Variants in CHD1L observed in about 807,000 individuals in gnomAD.
The protein encoded by CHD1L is ATP-dependent chromatin remodeler CHD1L.
In CHD1L, 118 loss-of-function variants were observed where a neutral mutation model predicts 115.9. That is an observed-to-expected ratio of 1.02 (90% CI 0.88 to 1.19). The LOEUF (loss-of-function observed/expected upper bound fraction) is 1.19, where lower values mean the gene tolerates loss of function less well. Ranked by LOEUF, CHD1L falls within the 50% of genes most tolerant of loss-of-function variation. CHD1L has a pLI of 0.00. For missense variants in CHD1L, 1,179 were observed against 1,065.3 expected, an observed-to-expected ratio of 1.11 and a Z score of -1.49; for synonymous variants, 411 against 387.1, an observed-to-expected ratio of 1.06 and a Z score of -0.72.
At position 147,276,111 on chromosome 1, in the gene CHD1L, A is replaced by C; in HGVS notation, c.1393A>C (p.Lys465Gln). Residue 465 changes from lysine to glutamine, a missense_variant, in exon 14 of 23, where the codon AAA becomes CAA. Physicochemically the swap from Lys to Gln is moderately conservative, Grantham distance 53. Transcript: ENST00000369258. Reference sequence around the variant, plus strand: ...TGTTTGACTTATGTCCAGGTCTGTTAAAGTTATTCGGCTGATTGGTCGAGA... The same window carrying C: ...TGTTTGACTTATGTCCAGGTCTGTTCAAGTTATTCGGCTGATTGGTCGAGA... ...AHRIGQNKSV[K>Q]VIRLIGRDTV... 6.2e-7 allele frequency: 1 copy of C among 1,614,132 alleles called. No individual in the cohort carries two copies.
At chr1:147,226,139 C>T in the CHD1L span, among the ~76,000 whole-genome samples, 1 of 148,142 alleles carries the variant, frequency 6.8e-6, no homozygotes, top group Non-Finnish European at 1.5e-5. Context: ...TGCTTTTTCT[C>T]TCCTCCTGTC....
rs1386081745 is a variant in CHD1L, at chr1:147,285,389, GGA to G, written c.1922_1923del (p.Glu641GlyfsTer28). ...RKRVLSPEEL[E>X]DRQKKRQEAA... ...AGCGGGTTCTGAGTCCAGAAGAGCT[GGA>G]GGACAGACAGAAGAAAAGACAAGAA... On this transcript the variant is annotated frameshift_variant, in exon 17 of 23. Transcript: ENST00000369258. LOFTEE classifies it high-confidence loss of function. 6.2e-7 allele frequency: 1 copy of G among 1,613,932 alleles called. No individual in the cohort carries two copies. The highest frequency in any genetic ancestry group is 8.5e-7 in the Non-Finnish European group (1 of 1,179,978).
the CHD1L span, chr1:147,209,139 G>A: frequency 8.6e-7 from 1 of 1,168,958 alleles, no homozygotes; most frequent in South Asian, 1.4e-5. Flanking sequence ...ATCATTTCAG[G>A]CCCGGCGCGG....
upstream of CHD1L, among the ~76,000 whole-genome samples, chr1:147,240,923 C>G (rs903519565): frequency 6.6e-6 from 1 of 152,152 alleles, no homozygotes; most frequent in Non-Finnish European, 1.5e-5. Context: ...GGTGCCAGCG[C>G]AGGTCCTCTG....
In CHD1L at chr1:147,270,936, C is replaced by T; in HGVS notation, c.1090C>T (p.His364Tyr). 1.2e-6 allele frequency: 2 copies of T among 1,613,852 alleles called. No homozygotes were observed. The highest frequency in any genetic ancestry group is 1.1e-5 in the South Asian group (1 of 91,066). Reference sequence around the variant, plus strand: ...TCCTTTTCTTTTTCTTGCCAGGGGCCATCGGGTTTTACTTTTCTCCCAAAT... The same window carrying T: ...TCCTTTTCTTTTTCTTGCCAGGGGCTATCGGGTTTTACTTTTCTCCCAAAT... ...KLLAFLYSGG[H>Y]RVLLFSQMTQ... Residue 364 changes from histidine (H) to tyrosine (Y), a missense_variant, in exon 11 of 23, where the codon CAT becomes TAT. Transcript: ENST00000369258.
the CHD1L span, among the ~76,000 whole-genome samples, chr1:147,221,099 A>G: frequency 1.4e-5 from 2 of 142,932 alleles, no homozygotes; most frequent in Non-Finnish European, 3.1e-5. Context: ...GGGATATTCT[A>G]CAGCATACCT....
chr1:147,243,938 AT>A (rs2102223286), intron 1 of CHD1L, among the ~76,000 whole-genome samples: 2 of 152,350 alleles, frequency 1.3e-5, no homozygotes, highest in South Asian at 4.1e-4. Flanking sequence ...AGACTGAAAG[AT>A]GAAGTTGAAT....
At chr1:147,189,000 G>A in the CHD1L span, among the ~76,000 whole-genome samples, 2 of 152,156 alleles carry the variant, frequency 1.3e-5, no homozygotes, top group South Asian at 4.1e-4. Flanking sequence ...TTCCGGCCAG[G>A]TACGGTGGCT....
the CHD1L span, chr1:147,186,776 C>T: frequency 6.8e-7 from 1 of 1,472,296 alleles, no homozygotes; most frequent in South Asian, 1.5e-5. Flanking sequence ...TGAATTAATG[C>T]TTTCGAAAGA....
the CHD1L span, chr1:147,216,087 C>T: frequency 4.4e-5 from 26 of 594,878 alleles, no homozygotes; most frequent in Non-Finnish European, 6.4e-5. Flanking sequence ...TTATGTAGTC[C>T]CTTCCCCTTG....
intron 1 of CHD1L, among the ~76,000 whole-genome samples, chr1:147,244,668 T>C (rs1018964206): frequency 1.4e-4 from 21 of 151,848 alleles, no homozygotes; most frequent in Non-Finnish European, 2.6e-4. Context: ...GAGTTTCATG[T>C]ACATTTTTTT....
chr1:147,291,647 A>G (rs1685577726), intron 20 of CHD1L, 95 bp downstream of exon 20: 1 of 942,844 alleles, frequency 1.1e-6, no homozygotes, highest in Non-Finnish European at 1.7e-6. Flanking sequence ...CTGCTAGTGT[A>G]TTAGTTTGTT....
intron 19 of CHD1L, among the ~76,000 whole-genome samples, chr1:147,288,028 T>C (rs1232748816): frequency 6.6e-6 from 1 of 152,196 alleles, no homozygotes; most frequent in African/African-American, 2.4e-5. Context: ...TGCATACATG[T>C]TAAAGTATTG....
intron 14 of CHD1L, among the ~76,000 whole-genome samples, 159 bp from the exon 15 acceptor site, chr1:147,279,867 G>A (rs979714854): frequency 2.0e-5 from 3 of 152,014 alleles, no homozygotes; most frequent in Non-Finnish European, 4.4e-5. Context: ...CTATTAAATG[G>A]CCCTGGCTGT....
the CHD1L span, chr1:147,201,241 G>A: frequency 6.2e-7 from 1 of 1,614,042 alleles, no homozygotes; most frequent in Non-Finnish European, 8.5e-7. Context: ...GATTGCAAGA[G>A]TTGGCCTTTC....
the CHD1L span, among the ~76,000 whole-genome samples, chr1:147,181,588 A>C: frequency 6.6e-6 from 1 of 152,240 alleles, no homozygotes; most frequent in African/African-American, 2.4e-5. Flanking sequence ...ATTGTCTAGA[A>C]AAATGAAGTA....
chr1:147,222,847 C>T, the CHD1L span, among the ~76,000 whole-genome samples: 1 of 152,066 alleles, frequency 6.6e-6, no homozygotes, highest in African/African-American at 2.4e-5. Flanking sequence ...TGATGGATGC[C>T]CTCCCAACCT....
At chr1:147,175,463 T>C in the CHD1L span, 1 of 152,072 alleles carries the variant, frequency 6.6e-6, no homozygotes, top group Admixed American at 6.6e-5. Flanking sequence ...AGGGAAGTGA[T>C]TGGATGATGG....
rs115718954 is a variant in CHD1L, at chr1:147,290,596, T to C, written c.2321-886T>C. Among the ~76,000 whole-genome samples, 770 of 152,288 alleles carry C rather than the reference T, an allele frequency of 5.1e-3. 8 individuals carry two copies. Among genetic ancestry groups the C allele is most frequent in the African/African-American group, 0.018 (738 of 41,566 alleles). ...AAATCTGTTGTGATAGTTCTTGTTATCAGACGTTTATGCATTAGAACCTTC... is the reference window on the plus strand; with the variant it reads ...AAATCTGTTGTGATAGTTCTTGTTACCAGACGTTTATGCATTAGAACCTTC... On this transcript the variant is annotated intron_variant, in intron 19 of 22. Coordinates refer to ENST00000369258, the MANE Select transcript of CHD1L (RefSeq NM_004284.6).
Sources: gnomAD v4.1 joint callset for allele counts (sites outside exome capture counted in the v4.1 genomes callset) on GRCh38, gnomAD v4.1.1 for gene constraint, MANE v1.5 for transcripts, NCBI Gene and HGNC (gene_info 2026-07-23, HGNC 2026-07-21) for gene names.